Variants in WNT9B observed in about 807,000 individuals in gnomAD.
WNT9B encodes protein Wnt-9b.
Under a neutral mutation model 30.2 loss-of-function variants are expected in WNT9B, and 12 were observed. The observed-to-expected ratio is 0.40, with a 90% CI of 0.26 to 0.64. The LOEUF is 0.64. Among genes scored for constraint, WNT9B ranks in the 30% least tolerant of loss-of-function variants. WNT9B has a pLI of 0.42. For missense variants in WNT9B, 442 were observed against 485.2 expected (o/e 0.91, Z 0.84); for synonymous variants, 218 against 216.9 (o/e 1.01, Z -0.05).
At chr17:46,844,241 G>A (rs768185783) in intron 1 of WNT9B, among the ~76,000 whole-genome samples, 24 of 151,462 alleles carry the variant, frequency 1.6e-4, no homozygotes, top group Non-Finnish European at 3.2e-4. Flanking sequence ...ATAGGCATGA[G>A]CCACTGTATC....
intron 1 of WNT9B, among the ~76,000 whole-genome samples, chr17:46,837,622 C>A (rs1306155476): frequency 1.3e-5 from 2 of 152,138 alleles, no homozygotes; most frequent in Admixed American, 1.3e-4. Flanking sequence ...GGGATGTGAA[C>A]CCAGAGAGTC....
chr17:46,870,700 G>C (rs949478696), intron 1 of WNT9B, among the ~76,000 whole-genome samples: 40 of 152,214 alleles, frequency 2.6e-4, no homozygotes, highest in Non-Finnish European at 4.4e-5. Context: ...CATACAGAGA[G>C]GGCATGGCCT....
In WNT9B at chr17:46,872,725, G is replaced by C; in HGVS notation, c.286G>C (p.Glu96Gln). The C allele has an allele frequency of 1.2e-6, 2 of 1,612,970 alleles. No homozygotes were observed. Among genetic ancestry groups the C allele is most frequent in the Non-Finnish European group, 1.7e-6 (2 of 1,179,886 alleles). Reference protein sequence around the residue: ...LLECQFQFRHERWNCSLEGRM... With the variant: ...LLECQFQFRHQRWNCSLEGRM... ...TGAGTGCCAGTTTCAGTTCCGGCAT[G>C]AGCGCTGGAACTGTAGCCTGGAGGG... The change falls in exon 2 of 4, where the codon GAG becomes CAG. Residue 96 changes from glutamate (E) to glutamine (Q), a missense_variant. Physicochemically the swap from Glu to Gln is conservative, Grantham distance 29. Transcript: ENST00000290015.
chr17:46,837,277 C>T (rs1425511310), intron 1 of WNT9B, among the ~76,000 whole-genome samples: 3 of 152,118 alleles, frequency 2.0e-5, no homozygotes, highest in Non-Finnish European at 2.9e-5. Context: ...TTTGTTTTGC[C>T]CCCTTCATCC....
chr17:46,851,633 A>AGCACCATGCGCCCCCC lies in WNT9B; in HGVS notation c.-3_13dup. 7.9e-7 allele frequency: 1 copy of AGCACCATGCGCCCCCC among 1,269,998 alleles called. No homozygotes were observed. The highest frequency in any genetic ancestry group is 9.9e-7 in the Non-Finnish European group (1 of 1,011,672). 78.7% of individuals were successfully genotyped at this position (1,269,998 alleles called of 1,614,324 possible). A position where few individuals can be genotyped will look rare whatever the true frequency, so the allele number is the denominator to read the frequency against. ...AGATGCTAGAGGGCGCAGCGCCGCCAGCACCATGCGCCCCCCGCCCGCGCT... is the reference window on the plus strand; with the variant it reads ...AGATGCTAGAGGGCGCAGCGCCGCCAGCACCATGCGCCCCCCGCACCATGCGCCCCCCGCCCGCGCT... On this transcript the variant is annotated 5_prime_UTR_variant, in exon 1 of 4. In the 5' UTR this introduces an upstream ATG that the reference lacks. Transcript: ENST00000290015. The surrounding 1 kb of genome is among the most constrained non-coding windows in gnomAD (Gnocchi z 4.3).
intron 1 of WNT9B, among the ~76,000 whole-genome samples, chr17:46,837,938 C>G (rs1372433435): frequency 6.6e-6 from 1 of 152,166 alleles, no homozygotes; most frequent in African/African-American, 2.4e-5. Flanking sequence ...CTTTCTAAAT[C>G]ACTCAGAGGG....
intron 1 of WNT9B, among the ~76,000 whole-genome samples, chr17:46,870,049 A>G (rs2085212286): frequency 6.6e-6 from 1 of 152,220 alleles, no homozygotes; most frequent in Non-Finnish European, 1.5e-5. Context: ...TACTGTAGCT[A>G]TAATGATATA....
chr17:46,884,364 C>A (rs2085463591), downstream of WNT9B, among the ~76,000 whole-genome samples: 1 of 152,198 alleles, frequency 6.6e-6, no homozygotes, highest in African/African-American at 2.4e-5. Context: ...TGCAGTGGTG[C>A]CGCCCCCGCC....
chr17:46,862,991 G>T (rs190167326), intron 1 of WNT9B, among the ~76,000 whole-genome samples: 1 of 152,248 alleles, frequency 6.6e-6, no homozygotes, highest in Non-Finnish European at 1.5e-5. Context: ...GAGGTTCAGA[G>T]GGAACGGGCC....
Position 46,851,601 on chromosome 17 carries a change from C to A in WNT9B, c.-38C>A. ...GTGGCGGAGCTGCGAGCTTGAGCGG[C>A]GCGAGGAGATGCTAGAGGGCGCAGC... On this transcript the variant is annotated 5_prime_UTR_variant, in exon 1 of 4. Transcript: ENST00000290015. This position sits in a 1 kb window ranked among gnomAD's most constrained non-coding sequence, Gnocchi z 4.3. 5 of 1,187,374 alleles carry A rather than the reference C, an allele frequency of 4.2e-6. No individual in the cohort carries two copies. The highest frequency in any genetic ancestry group is 3.2e-5 in the South Asian group (1 of 31,308). 73.6% of individuals were successfully genotyped at this position (1,187,374 alleles called of 1,614,324 possible).
rs562048892 is a variant in WNT9B at position 46,863,824 on chromosome 17, G to A, written c.78-8693G>A. Among the ~76,000 whole-genome samples, 119 of 152,130 alleles carry A rather than the reference G, an allele frequency of 7.8e-4. 1 individual carries two copies. Among genetic ancestry groups the A allele is most frequent in the Non-Finnish European group, 1.5e-3 (99 of 68,006 alleles). On this transcript the variant is annotated intron_variant, in intron 1 of 3. Transcript: ENST00000290015. ...CTCTGGATTTAGGACAGTCCTAGTG[G>A]TTCTATTCCCAAGGGAGCCGCTCAC... is the stretch of plus-strand genomic sequence containing the variant.
At chr17:46,881,933 C>A (rs1213163649), downstream of WNT9B, among the ~76,000 whole-genome samples, 1 of 152,142 alleles carries the variant, frequency 6.6e-6, no homozygotes, top group East Asian at 1.9e-4. Context: ...GTAACATTGA[C>A]AAAAATTATC....
intron 1 of WNT9B, among the ~76,000 whole-genome samples, chr17:46,856,389 G>A (rs1054453745): frequency 6.6e-6 from 1 of 152,110 alleles, no homozygotes; most frequent in African/African-American, 2.4e-5. Flanking sequence ...CCCAGGTGGT[G>A]GAAGTGTCAT....
chr17:46,851,496 G>C, upstream of WNT9B: 1 of 377,376 alleles, frequency 2.6e-6, no homozygotes, highest in Non-Finnish European at 4.5e-6. This position sits in a 1 kb window ranked among gnomAD's most constrained non-coding sequence, Gnocchi z 4.3. Flanking sequence ...GCCGCCCGGG[G>C]CTGGGGAGCC....
At chr17:46,882,256 C>T (rs1156893436), downstream of WNT9B, among the ~76,000 whole-genome samples, 1 of 152,228 alleles carries the variant, frequency 6.6e-6, no homozygotes, top group African/African-American at 2.4e-5. Context: ...CTCCAGCTCC[C>T]TGTAATCTAG....
rs2084851389 is a variant in WNT9B at position 46,851,788 on chromosome 17, AT to A, written c.77+78del. Reference sequence around the variant, plus strand: ...TCCCTCCTGCGCTACAGCTGGGCCAATTTTTCCCTCCCGCTGTCCTTGGCCC... The same window carrying A: ...TCCCTCCTGCGCTACAGCTGGGCCAATTTTCCCTCCCGCTGTCCTTGGCCC... On this transcript the variant is annotated intron_variant, in intron 1 of 3. Coordinates refer to ENST00000290015, the MANE Select transcript of WNT9B (RefSeq NM_003396.3). This position sits in a 1 kb window ranked among gnomAD's most constrained non-coding sequence, Gnocchi z 4.3. 7.6e-6 allele frequency: 6 copies of A among 791,648 alleles called. No individual in the cohort carries two copies. The highest frequency in any genetic ancestry group is 1.8e-5 in the African/African-American group (1 of 55,484). The allele number at this position is 791,648 out of a possible 1,614,324, so 49.0% of individuals were successfully genotyped here.
chr17:46,838,048 C>T (rs942550759), intron 1 of WNT9B, among the ~76,000 whole-genome samples: 1 of 152,084 alleles, frequency 6.6e-6, no homozygotes, highest in Non-Finnish European at 1.5e-5. Context: ...TTGCTCCAAC[C>T]CCTGTGTTGA....
At chr17:46,865,137 G>A (rs1421700776) in intron 1 of WNT9B, among the ~76,000 whole-genome samples, 1 of 152,186 alleles carries the variant, frequency 6.6e-6, no homozygotes, top group East Asian at 1.9e-4. Flanking sequence ...GCTTCAGCCC[G>A]AGCCTGAGTG....
At chr17:46,855,350 C>A (rs745310771) in intron 1 of WNT9B, among the ~76,000 whole-genome samples, 9 of 152,342 alleles carry the variant, frequency 5.9e-5, no homozygotes, top group Admixed American at 6.5e-5. Context: ...GTTGCACTGA[C>A]CCCTGCTAGA....
Sources: allele counts gnomAD v4.1 joint callset (sites outside exome capture counted in the v4.1 genomes callset), GRCh38; gene constraint gnomAD v4.1.1; non-coding constraint Gnocchi (gnomAD v3.1); transcripts MANE v1.5; gene names NCBI Gene and HGNC (gene_info 2026-07-23, HGNC 2026-07-21).